Variants in FRMD4A observed in about 807,000 individuals in gnomAD.
FRMD4A encodes FERM domain containing 4A, also known as FERM domain-containing protein 4A.
Under a neutral mutation model 129.1 loss-of-function variants are expected in FRMD4A, and 29 were observed. The observed-to-expected ratio is 0.22, with a 90% CI of 0.17 to 0.31. FRMD4A has a LOEUF of 0.31. Ranked by LOEUF, FRMD4A falls within the 10% of genes least tolerant of loss-of-function variation. The pLI is 1.00. For missense variants in FRMD4A, 1,272 were observed against 1,375.8 expected, an observed-to-expected ratio of 0.92 and a Z score of 1.19; for synonymous variants, 634 against 571.6, an observed-to-expected ratio of 1.11 and a Z score of -1.56.
At chr10:13,795,636 TAA>T (rs886691909) in intron 5 of FRMD4A, among the ~76,000 whole-genome samples, 46 of 152,362 alleles carry the variant, frequency 3.0e-4, no homozygotes, top group African/African-American at 1.1e-3. Context: ...AGTGTCCATG[TAA>T]AGACTGAGGC....
rs148884854 is a variant in FRMD4A, at chr10:14,304,999, C to G, written c.45+25059G>C. On this transcript the variant is annotated intron_variant, in intron 2 of 24. Coordinates refer to ENST00000357447, the MANE Select transcript of FRMD4A (RefSeq NM_018027.5). ...TTTGTTTCCCTGCATTGCTTCCCCACTTCCCTACAAGTGTTGGCTGGGATC... is the reference window on the plus strand; with the variant it reads ...TTTGTTTCCCTGCATTGCTTCCCCAGTTCCCTACAAGTGTTGGCTGGGATC... Among the ~76,000 whole-genome samples the G allele has an allele frequency of 3.7e-3, 567 of 152,324 alleles. 6 individuals are homozygous for G. The highest frequency in any genetic ancestry group is 0.017 in the Middle Eastern group (5 of 292).
At chr10:14,128,321 C>A (rs575996129) in intron 2 of FRMD4A, among the ~76,000 whole-genome samples, 1 of 151,866 alleles carries the variant, frequency 6.6e-6, no homozygotes, top group South Asian at 2.1e-4. Flanking sequence ...CCAGGTTGGT[C>A]GCAAACTCCC....
chr10:14,110,443 G>C (rs1032112556), intron 2 of FRMD4A, among the ~76,000 whole-genome samples: 6 of 152,134 alleles, frequency 3.9e-5, no homozygotes, highest in Non-Finnish European at 7.4e-5. Context: ...GCAAACTTGA[G>C]AGATTTTATA....
chr10:13,998,932 G>C (rs1342930267), intron 2 of FRMD4A, among the ~76,000 whole-genome samples: 1 of 152,000 alleles, frequency 6.6e-6, no homozygotes, highest in Non-Finnish European at 1.5e-5. Context: ...AAACCCAAAG[G>C]TCCTTCTCAT....
intron 8 of FRMD4A, among the ~76,000 whole-genome samples, chr10:13,752,259 A>G (rs1281352011): frequency 6.6e-6 from 1 of 152,162 alleles, no homozygotes; most frequent in African/African-American, 2.4e-5. Context: ...TATACTCCTC[A>G]CGAAACAAGG....
chr10:14,161,892 A>G (rs186172996), intron 2 of FRMD4A, among the ~76,000 whole-genome samples: 2 of 152,348 alleles, frequency 1.3e-5, no homozygotes, highest in East Asian at 3.9e-4. Context: ...CATTGTATGT[A>G]TCAAAATATC....
intron 2 of FRMD4A, among the ~76,000 whole-genome samples, chr10:14,057,656 C>T (rs952924074): frequency 3.3e-5 from 5 of 152,252 alleles, no homozygotes; most frequent in East Asian, 3.9e-4. Flanking sequence ...CCACAACCTC[C>T]GCCTCCTGGG....
intron 2 of FRMD4A, among the ~76,000 whole-genome samples, chr10:13,967,199 T>C (rs540998882): frequency 8.5e-5 from 13 of 152,216 alleles, no homozygotes; most frequent in Non-Finnish European, 1.5e-4. Context: ...TAGCCAGGCT[T>C]GGTGGCGGGC....
chr10:13,687,103 C>T (rs759184120), intron 15 of FRMD4A, among the ~76,000 whole-genome samples: 1 of 152,052 alleles, frequency 6.6e-6, no homozygotes, highest in Non-Finnish European at 1.5e-5. Context: ...CCATCCTGGC[C>T]AACATCATGA....
At chr10:14,187,182 G>A (rs1037753602) in intron 2 of FRMD4A, among the ~76,000 whole-genome samples, 7 of 151,604 alleles carry the variant, frequency 4.6e-5, no homozygotes, top group Middle Eastern at 3.4e-3. Context: ...GAGGGAGGGC[G>A]ACACTCTTCC....
chr10:14,168,391 C>T (rs547624235), intron 2 of FRMD4A, among the ~76,000 whole-genome samples: 1 of 152,342 alleles, frequency 6.6e-6, no homozygotes, highest in South Asian at 2.1e-4. Flanking sequence ...GCTGAATCCA[C>T]AGTCTCTTCT....
At chr10:14,089,737 G>A (rs908052951) in intron 2 of FRMD4A, among the ~76,000 whole-genome samples, 12 of 152,074 alleles carry the variant, frequency 7.9e-5, no homozygotes, top group African/African-American at 2.9e-4. Flanking sequence ...GGCCCGTAGA[G>A]AGACGCCATC....
chr10:14,009,578 C>T (rs1003205046), intron 2 of FRMD4A, among the ~76,000 whole-genome samples: 1 of 152,152 alleles, frequency 6.6e-6, no homozygotes, highest in African/African-American at 2.4e-5. Flanking sequence ...AGGAAAGAAG[C>T]AGAGTTTTGT....
intron 5 of FRMD4A, among the ~76,000 whole-genome samples, chr10:13,791,658 C>G (rs924717935): frequency 1.5e-4 from 23 of 152,188 alleles, no homozygotes; most frequent in African/African-American, 5.3e-4. Context: ...GTTCGCTGCT[C>G]TGTCCTTGGC....
At chr10:14,129,371 C>CACAT (rs1491548749) in intron 2 of FRMD4A, among the ~76,000 whole-genome samples, 10 of 46,218 alleles carry the variant, frequency 2.2e-4, no homozygotes, top group East Asian at 8.1e-4. Context: ...AATTATGATT[C>CACAT]ATATATATAT....
intron 3 of FRMD4A, 41 bp from the exon 4 acceptor site, chr10:13,810,949 G>A (rs971645340): frequency 9.9e-7 from 1 of 1,005,894 alleles, no homozygotes; most frequent in Admixed American, 2.0e-5. Context: ...AGTGATGAGA[G>A]ACTGCTTTTC....
At chr10:13,897,293 A>G (rs747529691) in intron 2 of FRMD4A, among the ~76,000 whole-genome samples, 1 of 152,202 alleles carries the variant, frequency 6.6e-6, no homozygotes, top group Admixed American at 6.5e-5. Flanking sequence ...CAGCAGAAAT[A>G]CTTTTCTTTT....
Position 13,654,952 on chromosome 10 carries a change from T to C in FRMD4A, c.2954-440A>G, listed in dbSNP as rs61466750. ...GGGCATTTTCAGTGTGGCCCTGTTA[T>C]GAAATTGTTTCTCCCCATTGTGAAG... On this transcript the variant is annotated intron_variant, in intron 22 of 24. Coordinates refer to ENST00000357447, the MANE Select transcript of FRMD4A (RefSeq NM_018027.5). 4.7e-3 allele frequency: 807 copies of C among 171,416 alleles called. 4 individuals carry two copies. The highest frequency in any genetic ancestry group is 0.018 in the African/African-American group (771 of 42,046). The allele number at this position is 171,416 out of a possible 1,614,324, so 10.6% of individuals were successfully genotyped here.
At chr10:13,774,967 A>G (rs538885668) in intron 6 of FRMD4A, among the ~76,000 whole-genome samples, 1 of 152,016 alleles carries the variant, frequency 6.6e-6, no homozygotes. Flanking sequence ...AAAAACAACA[A>G]AAAACAAAAC....
Sources: gnomAD v4.1 joint callset for allele counts (sites outside exome capture counted in the v4.1 genomes callset) on GRCh38, gnomAD v4.1.1 for gene constraint, MANE v1.5 for transcripts, NCBI Gene and HGNC (gene_info 2026-07-23, HGNC 2026-07-21) for gene names.